The following ACTA2 variants were observed in gnomAD, a reference collection of about 807,000 sequenced individuals.
The protein encoded by ACTA2 is actin alpha 2, smooth muscle.
ACTA2 carries 12 observed loss-of-function variants against 39.5 expected under a neutral mutation model. That is an observed-to-expected ratio of 0.30 (90% CI 0.19 to 0.49). The LOEUF (loss-of-function observed/expected upper bound fraction) is 0.49. ACTA2 is among the 20% of genes least tolerant of loss of function. ACTA2 has a pLI of 0.99. For missense variants in ACTA2, 236 were observed against 498.8 expected, an observed-to-expected ratio of 0.47 and a Z score of 5.02; for synonymous variants, 158 against 180.6, an observed-to-expected ratio of 0.88 and a Z score of 1.00.
rs1229615046 is a variant in ACTA2, at chr10:88,941,383, C to T, written c.462G>A (p.Val154=). 6.2e-7 allele frequency: 1 copy of T among 1,613,792 alleles called. No homozygotes were observed. Among genetic ancestry groups the T allele is most frequent in the Non-Finnish European group, 8.5e-7 (1 of 1,179,936 alleles). ...GGGTGACACCATCTCCAGAGTCCAG[C>T]ACGATGCCTGGGAGACAATTGGGCG... is the stretch of plus-strand genomic sequence containing the variant. ...LYASGRTTGI[V]LDSGDGVTHN... The change falls in exon 6 of 9, where the codon GTG becomes GTA. Residue 154 remains valine, a synonymous_variant. Transcript: ENST00000224784.
At chr10:88,964,122 CTTTAG>C (rs1309885726) in intron 1 of ACTA2, among the ~76,000 whole-genome samples, 1 of 151,604 alleles carries the variant, frequency 6.6e-6, no homozygotes, top group African/African-American at 2.4e-5. Flanking sequence ...CATATATTTA[CTTTAG>C]TTTAATATAT....
chr10:88,942,260 A>C (rs1845869727), intron 4 of ACTA2, among the ~76,000 whole-genome samples: 1 of 152,158 alleles, frequency 6.6e-6, no homozygotes, highest in Non-Finnish European at 1.5e-5. Flanking sequence ...CCATTTTTCC[A>C]GTGCAGACAT....
chr10:88,960,714 A>C (rs1231451186), intron 1 of ACTA2, among the ~76,000 whole-genome samples: 12 of 123,664 alleles, frequency 9.7e-5, no homozygotes. Flanking sequence ...CTACAATACC[A>C]TTATTGACAA....
At chr10:88,957,765 T>TC, upstream of ACTA2, among the ~76,000 whole-genome samples, 1 of 152,060 alleles carries the variant, frequency 6.6e-6, no homozygotes, top group Admixed American at 6.5e-5. Flanking sequence ...GGAAGCCCTC[T>TC]CTACCCACTT....
chr10:88,962,943 A>T (rs1846255822), intron 1 of ACTA2, among the ~76,000 whole-genome samples: 9 of 13,190 alleles, frequency 6.8e-4, no homozygotes, highest in African/African-American at 1.6e-3. Context: ...ATATATATAT[A>T]TATATATATA....
At chr10:88,949,474 C>T (rs192189337) in intron 1 of ACTA2, among the ~76,000 whole-genome samples, 1 of 152,190 alleles carries the variant, frequency 6.6e-6, no homozygotes, top group East Asian at 1.9e-4. Context: ...TTAAAATGGT[C>T]AAGTGTTTAA....
chr10:88,964,454 T>C (rs994370769), intron 1 of ACTA2, among the ~76,000 whole-genome samples: 4 of 152,142 alleles, frequency 2.6e-5, no homozygotes, highest in African/African-American at 9.7e-5. Context: ...AACAAATACA[T>C]GGGAAACTAA....
intron 1 of ACTA2, among the ~76,000 whole-genome samples, chr10:88,981,381 G>T (rs1589425739): frequency 2.0e-5 from 2 of 97,788 alleles, no homozygotes; most frequent in Admixed American, 2.0e-4. Context: ...AGAGAGAAAT[G>T]ACTTTTTTTT....
At chr10:88,939,879 C>G (rs1589392956) in intron 6 of ACTA2, 181 bp from the exon 7 acceptor site, 5 of 663,150 alleles carry the variant, frequency 7.5e-6, no homozygotes. Flanking sequence ...GGAACCACCT[C>G]TGTTCCTAGG....
chr10:88,937,686 A>G (rs1304585116), intron 8 of ACTA2, among the ~76,000 whole-genome samples: 1 of 152,214 alleles, frequency 6.6e-6, no homozygotes. Context: ...TTCTTCAGAA[A>G]TAAGTCTAGG....
chr10:88,973,567 TCCC>T (rs1846496895), intron 1 of ACTA2: 1 of 324,706 alleles, frequency 3.1e-6, no homozygotes, highest in African/African-American at 2.1e-5. Flanking sequence ...TGTCACCACT[TCCC>T]ATTCCCCAAA....
chr10:88,959,574 A>G (rs1011851958), intron 1 of ACTA2, among the ~76,000 whole-genome samples: 5 of 152,240 alleles, frequency 3.3e-5, no homozygotes, highest in Non-Finnish European at 5.9e-5. Context: ...AAAGTTGTGA[A>G]GATAATACAG....
intron 2 of ACTA2, chr10:88,948,550 T>C: frequency 2.2e-6 from 1 of 449,770 alleles, no homozygotes; most frequent in South Asian, 2.1e-5. Flanking sequence ...ATGATGATGA[T>C]GATAATGACT....
At chr10:88,973,273 T>G (rs1203968559) in intron 1 of ACTA2, 4 of 1,612,348 alleles carry the variant, frequency 2.5e-6, no homozygotes, top group African/African-American at 2.7e-5. Context: ...TTCCCACTCT[T>G]GGGGATCTCT....
intron 1 of ACTA2, among the ~76,000 whole-genome samples, chr10:88,950,889 A>C (rs1846038097): frequency 6.6e-6 from 1 of 152,240 alleles, no homozygotes; most frequent in African/African-American, 2.4e-5. Context: ...CTAAGTTCTC[A>C]ATAAATACTA....
At chr10:88,962,940 TA>T (rs1846255404) in intron 1 of ACTA2, among the ~76,000 whole-genome samples, 1 of 12,990 alleles carries the variant, frequency 7.7e-5, no homozygotes, top group African/African-American at 5.7e-4. Context: ...TATATATATA[TA>T]TATATATATA....
At position 88,985,232 on chromosome 10, in the gene ACTA2, C is replaced by T. The variant is rs188950087; in HGVS notation, c.-24+5707G>A. Among the ~76,000 whole-genome samples, 187 of 152,316 alleles carry T rather than the reference C, an allele frequency of 1.2e-3. 1 individual carries two copies. Among genetic ancestry groups the T allele is most frequent in the Non-Finnish European group, 1.8e-3 (123 of 68,026 alleles). On this transcript the variant is annotated intron_variant, in intron 1 of 4. Coordinates refer to the ACTA2 transcript ENST00000415557. ...GTTAAATATTATGCACAGCTTCTCA[C>T]ATCTAGTGAAGTAACTGAACTAGGA...
intron 7 of ACTA2, 62 bp downstream of exon 7, chr10:88,939,445 C>G: frequency 2.5e-6 from 4 of 1,604,530 alleles, no homozygotes; most frequent in Non-Finnish European, 3.4e-6. Context: ...GTTCTGGAGG[C>G]TGGCTTGATA....
At chr10:88,956,280 A>C (rs927130271), upstream of ACTA2, among the ~76,000 whole-genome samples, 2 of 152,218 alleles carry the variant, frequency 1.3e-5, no homozygotes, top group African/African-American at 4.8e-5. Context: ...AAATCAAGGC[A>C]TTCCTTCTGG....
Sources: gnomAD v4.1 joint callset for allele counts (sites outside exome capture counted in the v4.1 genomes callset) on GRCh38, gnomAD v4.1.1 for gene constraint, MANE v1.5 for transcripts, NCBI Gene and HGNC (gene_info 2026-07-23, HGNC 2026-07-21) for gene names.